PCSK6: variants seen among roughly 807,000 people sequenced by gnomAD.
The protein encoded by PCSK6 is paired basic amino acid cleaving enzyme 4.
In PCSK6, 85 loss-of-function variants were observed where a neutral mutation model predicts 123.3. The ratio of observed to expected loss-of-function variants is 0.69; its 90% CI spans 0.58 to 0.83. The LOEUF (loss-of-function observed/expected upper bound fraction) is 0.83, where lower values mean the gene tolerates loss of function less well. PCSK6 is among the 40% of genes least tolerant of loss of function. The pLI, the probability that PCSK6 is intolerant of heterozygous loss-of-function variation, is 0.00. For missense variants in PCSK6, 1,191 were observed against 1,282.3 expected (o/e 0.93, Z 1.09); for synonymous variants, 508 against 516.0 (o/e 0.98, Z 0.21).
intron 1 of PCSK6, among the ~76,000 whole-genome samples, chr15:101,480,865 G>T (rs943125521): frequency 6.6e-6 from 1 of 152,282 alleles, no homozygotes; most frequent in Non-Finnish European, 1.5e-5. Flanking sequence ...AAAAGCAAAC[G>T]ATTGGGATGA....
rs541614749 is a variant in PCSK6 at position 101,326,270 on chromosome 15, G to C, written c.2180+107C>G. 272 of 782,736 alleles carry C rather than the reference G, an allele frequency of 3.5e-4. 2 individuals carry two copies. The African/African-American group carries it at 4.2e-3, about 12-fold the overall frequency. 48.5% of individuals were successfully genotyped at this position (782,736 alleles called of 1,614,324 possible). A position where few individuals can be genotyped will look rare whatever the true frequency, so the allele number is the denominator to read the frequency against. Reference sequence around the variant, plus strand: ...TTAACTTCAGTGTGATGATTGTTTGGGGGTGCTACGTTACTTCCTAACTGG... The same window carrying C: ...TTAACTTCAGTGTGATGATTGTTTGCGGGTGCTACGTTACTTCCTAACTGG... On this transcript the variant is annotated intron_variant, in intron 16 of 21. Transcript: ENST00000611716.
intron 1 of PCSK6, among the ~76,000 whole-genome samples, chr15:101,480,095 A>G (rs2141261333): frequency 6.6e-6 from 1 of 152,338 alleles, no homozygotes; most frequent in South Asian, 2.1e-4. Flanking sequence ...GCCATTACCC[A>G]CTGATGGATT....
At chr15:101,397,258 A>G (rs2042440193) in intron 7 of PCSK6, among the ~76,000 whole-genome samples, 1 of 152,042 alleles carries the variant, frequency 6.6e-6, no homozygotes, top group Non-Finnish European at 1.5e-5. Context: ...ACTTAGAGAA[A>G]GGAAATCATG....
At chr15:101,310,362 G>C (rs765923872) in intron 20 of PCSK6, among the ~76,000 whole-genome samples, 3 of 152,272 alleles carry the variant, frequency 2.0e-5, no homozygotes, top group Non-Finnish European at 2.9e-5. Flanking sequence ...GGGGCAAAGA[G>C]AGGTTTGCGG....
rs199661913 is a variant in PCSK6 at position 101,398,883 on chromosome 15, C to CTATTATTATTATTATTAT, written c.824-325_824-308dup. ...TGTTTTTTATTTTAAAAAACAAGAC[C>CTATTATTATTATTATTAT]TATTATTATTATTATTATTATTTAT... On this transcript the variant is annotated intron_variant, in intron 6 of 21. Transcript: ENST00000611716. The surrounding 1 kb of genome is among the most constrained non-coding windows in gnomAD (Gnocchi z 4.6). Among the ~76,000 whole-genome samples, 56 of 150,682 alleles carry CTATTATTATTATTATTAT rather than the reference C, an allele frequency of 3.7e-4. No individual in the cohort carries two copies. Among genetic ancestry groups the CTATTATTATTATTATTAT allele is most frequent in the African/African-American group, 1.2e-3 (49 of 40,860 alleles).
intron 1 of PCSK6, among the ~76,000 whole-genome samples, chr15:101,480,313 G>T (rs1287902838): frequency 1.3e-5 from 2 of 152,248 alleles, no homozygotes; most frequent in Non-Finnish European, 2.9e-5. Context: ...TCAGTAAATG[G>T]GTCCATGTGC....
chr15:101,406,723 G>A (rs1187663336), intron 6 of PCSK6, among the ~76,000 whole-genome samples: 1 of 152,142 alleles, frequency 6.6e-6, no homozygotes, highest in Non-Finnish European at 1.5e-5. Context: ...GTGGTCTGCC[G>A]AGTTGTCAAG....
chr15:101,405,488 G>A lies in PCSK6; in HGVS notation c.824-6912C>T, dbSNP rs118016611. ...GCCTTTGTGTTTGAGGGAAGAACTC[G>A]GGGTGCTATGGGAACCAATCCCCCC... On this transcript the variant is annotated intron_variant, in intron 6 of 21. Coordinates refer to ENST00000611716, the MANE Select transcript of PCSK6 (RefSeq NM_002570.5). 4.4e-3 allele frequency among the ~76,000 whole-genome samples: 667 copies of A among 152,240 alleles called. 5 individuals are homozygous for A. The East Asian group carries it at 0.057, about 13-fold the overall frequency.
intron 17 of PCSK6, among the ~76,000 whole-genome samples, chr15:101,324,403 G>A (rs1369720736): frequency 6.6e-6 from 1 of 152,146 alleles, no homozygotes; most frequent in Non-Finnish European, 1.5e-5. Flanking sequence ...CCTGACCCAC[G>A]CCCAGCGCAC....
At chr15:101,444,656 T>C (rs1157916509) in intron 1 of PCSK6, among the ~76,000 whole-genome samples, 1 of 152,118 alleles carries the variant, frequency 6.6e-6, no homozygotes, top group African/African-American at 2.4e-5. Context: ...CATGTGACCT[T>C]GGACAAGGAC....
chr15:101,484,074 A>G (rs2057959561), intron 1 of PCSK6, among the ~76,000 whole-genome samples: 2 of 152,214 alleles, frequency 1.3e-5, no homozygotes, highest in Non-Finnish European at 2.9e-5. Context: ...ACGTGTGTAT[A>G]TATACACACT....
At chr15:101,453,663 C>G (rs1460912126) in intron 1 of PCSK6, among the ~76,000 whole-genome samples, 1 of 152,234 alleles carries the variant, frequency 6.6e-6, no homozygotes. Flanking sequence ...CACATGCCTG[C>G]AGGCTACAGG....
intron 19 of PCSK6, among the ~76,000 whole-genome samples, chr15:101,317,445 G>C (rs939102960): frequency 3.3e-5 from 5 of 152,162 alleles, no homozygotes; most frequent in African/African-American, 1.2e-4. Flanking sequence ...CTGTGCCTGG[G>C]AGACATCTGT....
chr15:101,344,059 G>A (rs545347534), intron 13 of PCSK6, among the ~76,000 whole-genome samples: 2 of 151,310 alleles, frequency 1.3e-5, no homozygotes, highest in East Asian at 3.9e-4. Context: ...CTGTGCGACA[G>A]AACAAGATTC....
At position 101,441,826 on chromosome 15, in the gene PCSK6, A is replaced by G. The variant is rs180769216; in HGVS notation, c.402+1730T>C. Among the ~76,000 whole-genome samples the G allele has an allele frequency of 7.9e-5, 12 of 152,352 alleles. No individual in the cohort carries two copies. In the East Asian group the frequency reaches 2.1e-3, roughly 27 times the overall value. ...CAACTCAAAAGACTTCAGTTGAAGAATGAGGATGTTTCTTCACACGGCAGA... is the reference window on the plus strand; with the variant it reads ...CAACTCAAAAGACTTCAGTTGAAGAGTGAGGATGTTTCTTCACACGGCAGA... On this transcript the variant is annotated intron_variant, in intron 2 of 21. Transcript: ENST00000611716.
Position 101,348,228 on chromosome 15 carries a change from C to T in PCSK6, c.1859-16197G>A, listed in dbSNP as rs111750831. 7.9e-3 allele frequency among the ~76,000 whole-genome samples: 1,206 copies of T among 152,344 alleles called. 17 individuals carry two copies. The highest frequency in any genetic ancestry group is 0.028 in the African/African-American group (1,150 of 41,584). On this transcript the variant is annotated intron_variant, in intron 13 of 21. Transcript: ENST00000611716. ...GTGGGAACGTCAGCAGCCATTCCAA[C>T]GCCCAGGCTTCACCGTGGGGGAGGC... is the stretch of plus-strand genomic sequence containing the variant.
At chr15:101,374,192 C>T (rs1472687107) in intron 11 of PCSK6, among the ~76,000 whole-genome samples, 1 of 152,184 alleles carries the variant, frequency 6.6e-6, no homozygotes, top group Non-Finnish European at 1.5e-5. Context: ...GCTCTCCACC[C>T]GCTCCCTTCT....
rs577414899 is a variant in PCSK6, at chr15:101,427,911, C to A, written c.804G>T (p.Ala268=). The A allele has an allele frequency of 2.5e-6, 4 of 1,582,242 alleles. No homozygotes were observed. Among genetic ancestry groups the A allele is most frequent in the Non-Finnish European group, 3.4e-6 (4 of 1,163,828 alleles). Residue 268 remains alanine, a synonymous_variant, in exon 6 of 22, where the codon GCG becomes GCT. Transcript: ENST00000611716. ...CCTTACCTCCTATTTTGGCATTGTA[C>A]GCTATGCCCACGATGCAGTAGGAAT... ...ANNSYCIVGI[A]YNAKIGGIRM...
intron 9 of PCSK6, 47 bp downstream of exon 9, chr15:101,389,417 C>A: frequency 7.0e-7 from 1 of 1,421,872 alleles, no homozygotes; most frequent in Non-Finnish European, 9.7e-7. Context: ...TATTTTACCA[C>A]AATCTAAACA....
Sources: allele counts gnomAD v4.1 joint callset (sites outside exome capture counted in the v4.1 genomes callset), GRCh38; gene constraint gnomAD v4.1.1; non-coding constraint Gnocchi (gnomAD v3.1); transcripts MANE v1.5; gene names NCBI Gene and HGNC (gene_info 2026-07-23, HGNC 2026-07-21).